HECW1: variants seen among roughly 807,000 people sequenced by gnomAD.
The protein encoded by HECW1 is HECT, C2 and WW domain containing E3 ubiquitin protein ligase 1.
In HECW1, 61 loss-of-function variants were observed where a neutral mutation model predicts 182.3. The ratio of observed to expected loss-of-function variants is 0.33; its 90% CI spans 0.27 to 0.41. HECW1 has a LOEUF of 0.41. HECW1 is among the 10% of genes least tolerant of loss of function. The pLI, the probability that HECW1 is intolerant of heterozygous loss-of-function variation, is 1.00. For missense variants in HECW1, 1,739 were observed against 2,108.9 expected (o/e 0.82, Z 3.44); for synonymous variants, 859 against 832.6 (o/e 1.03, Z -0.55).
chr7:43,198,398 G>C (rs1335120837), intron 2 of HECW1, among the ~76,000 whole-genome samples: 4 of 131,856 alleles, frequency 3.0e-5, no homozygotes, highest in Non-Finnish European at 6.4e-5. Context: ...ACACTCATCA[G>C]TCACACACCC....
At chr7:43,145,972 A>G (rs1022790324) in intron 2 of HECW1, among the ~76,000 whole-genome samples, 3 of 152,208 alleles carry the variant, frequency 2.0e-5, no homozygotes, top group Non-Finnish European at 4.4e-5. Context: ...AAGAAGCCAC[A>G]GTTAAATCAC....
At chr7:43,423,946 C>T (rs914290930) in intron 8 of HECW1, among the ~76,000 whole-genome samples, 1 of 152,124 alleles carries the variant, frequency 6.6e-6, no homozygotes, top group African/African-American at 2.4e-5. Flanking sequence ...ACGAAGGCTT[C>T]AGAAAAACAG....
chr7:43,364,771 TG>T, intron 6 of HECW1, among the ~76,000 whole-genome samples: 1 of 152,380 alleles, frequency 6.6e-6, no homozygotes, highest in Admixed American at 6.5e-5. Context: ...TCATACTTTT[TG>T]TGTCTTATTA....
rs542231807 is a variant in HECW1 at position 43,345,799 on chromosome 7, T to C, written c.461-15087T>C. ...GTTGTGTAGTATTCCATCATATATA[T>C]ACACACACACACACACACACACACA... On this transcript the variant is annotated intron_variant, in intron 5 of 29. Transcript: ENST00000395891. Among the ~76,000 whole-genome samples, 128 of 150,790 alleles carry C rather than the reference T, an allele frequency of 8.5e-4. No homozygotes were observed. The East Asian group carries it at 0.011, about 13-fold the overall frequency.
intron 2 of HECW1, among the ~76,000 whole-genome samples, chr7:43,200,722 G>T (rs1352464690): frequency 6.6e-6 from 1 of 152,206 alleles, no homozygotes; most frequent in Non-Finnish European, 1.5e-5. Context: ...TTTGGCTTCA[G>T]CTGGGTAATA....
intron 2 of HECW1, among the ~76,000 whole-genome samples, chr7:43,120,922 G>A (rs1785540982): frequency 1.3e-5 from 2 of 152,218 alleles, no homozygotes; most frequent in South Asian, 4.2e-4. Flanking sequence ...AAAGTGCTGG[G>A]ATTACAGGTG....
chr7:43,138,286 G>T (rs548479940), intron 2 of HECW1, among the ~76,000 whole-genome samples: 1 of 152,230 alleles, frequency 6.6e-6, no homozygotes, highest in South Asian at 2.1e-4. Flanking sequence ...ACATTTTCTC[G>T]GCTTATGTAG....
Position 43,445,433 on chromosome 7 carries a change from A to G in HECW1, c.2261A>G (p.Gln754Arg), listed in dbSNP as rs764580053. 6.2e-7 allele frequency: 1 copy of G among 1,613,218 alleles called. No individual in the cohort carries two copies. The highest frequency in any genetic ancestry group is 8.5e-7 in the Non-Finnish European group (1 of 1,179,964). The change falls in exon 11 of 30, where the codon CAG (glutamine) becomes CGG (arginine). Residue 754 changes from glutamine to arginine, a missense_variant. Around this residue, in one of 5 missense-constraint regions of HECW1, gnomAD observed 971 missense variants for 1,029.1 expected, o/e 0.94. Transcript: ENST00000395891. Reference protein sequence around the residue: ...SAFESVPDSMQSPELDPESTN... With the variant: ...SAFESVPDSMRSPELDPESTN... ...TTCGAGTCGGTACCCGACTCCATGC[A>G]GAGCCCTGAGCTGGACCCGGAGTCC...
At chr7:43,159,146 A>AT (rs1296309228) in intron 2 of HECW1, among the ~76,000 whole-genome samples, 1 of 149,122 alleles carries the variant, frequency 6.7e-6, no homozygotes, top group Non-Finnish European at 1.5e-5. Flanking sequence ...TTAAAGAGGA[A>AT]TTTTTTATTT....
At chr7:43,324,313 A>G (rs1169416548) in intron 5 of HECW1, among the ~76,000 whole-genome samples, 1 of 152,248 alleles carries the variant, frequency 6.6e-6, no homozygotes. Flanking sequence ...GCAAATGATT[A>G]GAGTATTAAC....
intron 2 of HECW1, among the ~76,000 whole-genome samples, chr7:43,175,240 C>T (rs1160372955): frequency 1.3e-5 from 2 of 152,144 alleles, no homozygotes; most frequent in African/African-American, 2.4e-5. Flanking sequence ...CATTCATTCC[C>T]TCGCACACTT....
chr7:43,160,751 A>G (rs1264365520), intron 2 of HECW1, among the ~76,000 whole-genome samples: 1 of 152,134 alleles, frequency 6.6e-6, no homozygotes, highest in Non-Finnish European at 1.5e-5. Context: ...GCTTACAAAT[A>G]AATAAAATGT....
chr7:43,192,972 C>T (rs1583900464), intron 2 of HECW1, among the ~76,000 whole-genome samples: 2 of 152,148 alleles, frequency 1.3e-5, no homozygotes, highest in Non-Finnish European at 2.9e-5. Context: ...TGCTGGCTGG[C>T]TGTTTTTATG....
Position 43,442,596 on chromosome 7 carries a change from T to C in HECW1, c.1012T>C (p.Phe338Leu). 6.2e-7 allele frequency: 1 copy of C among 1,613,960 alleles called. No individual in the cohort carries two copies. The highest frequency in any genetic ancestry group is 8.5e-7 in the Non-Finnish European group (1 of 1,179,848). The stretch of plus-strand genomic sequence containing the variant: ...AGATCATGTGAGTGGACAGCTGCAA[T>C]TCCGATTTGAGATCACTTCCTCCAT... Reference protein sequence around the residue: ...PTDHVSGQLQFRFEITSSIHP... With the variant: ...PTDHVSGQLQLRFEITSSIHP... Residue 338 changes from phenylalanine (F) to leucine (L), a missense_variant, in exon 10 of 30, where the codon TTC becomes CTC. Phe to Leu is a conservative substitution (Grantham distance 22). Coordinates refer to ENST00000395891, the MANE Select transcript of HECW1 (RefSeq NM_015052.5).
intron 17 of HECW1, among the ~76,000 whole-genome samples, chr7:43,485,257 G>A (rs2078586179): frequency 6.6e-6 from 1 of 152,158 alleles, no homozygotes; most frequent in Non-Finnish European, 1.5e-5. Flanking sequence ...ATGGGCTCTG[G>A]TGACATGAAG....
At chr7:43,532,284 C>T (rs1368373398) in intron 24 of HECW1, among the ~76,000 whole-genome samples, 1 of 152,130 alleles carries the variant, frequency 6.6e-6, no homozygotes, top group Admixed American at 6.5e-5. Flanking sequence ...CTACCACCCC[C>T]AGTATAAGCC....
chr7:43,364,942 G>T (rs1297360588), intron 6 of HECW1, among the ~76,000 whole-genome samples: 5 of 152,078 alleles, frequency 3.3e-5, no homozygotes, highest in Non-Finnish European at 7.3e-5. Context: ...TTCTTTCTCT[G>T]ATTATACATC....
intron 3 of HECW1, among the ~76,000 whole-genome samples, chr7:43,278,040 C>T (rs895106363): frequency 1.3e-5 from 2 of 152,102 alleles, no homozygotes; most frequent in Non-Finnish European, 2.9e-5. Flanking sequence ...TCCTGGTGGT[C>T]GCATCTACTC....
chr7:43,186,274 C>T (rs1476953760), intron 2 of HECW1, among the ~76,000 whole-genome samples: 2 of 152,178 alleles, frequency 1.3e-5, no homozygotes, highest in African/African-American at 4.8e-5. Flanking sequence ...TTATAAATTA[C>T]CTAAAAGTTA....
Sources: allele counts gnomAD v4.1 joint callset (sites outside exome capture counted in the v4.1 genomes callset), GRCh38; gene constraint gnomAD v4.1.1; regional missense constraint gnomAD v4.1.1; transcripts MANE v1.5; gene names NCBI Gene and HGNC (gene_info 2026-07-23, HGNC 2026-07-21).